Variants in ANK2 observed in about 807,000 individuals in gnomAD.
ANK2 encodes ankyrin 2.
A neutral mutation model predicts 360.5 loss-of-function variants in ANK2; 83 were observed. The ratio of observed to expected loss-of-function variants is 0.23; its 90% CI spans 0.19 to 0.28. The LOEUF (loss-of-function observed/expected upper bound fraction) is 0.28, where lower values mean the gene tolerates loss of function less well. ANK2 is among the 10% of genes least tolerant of loss of function. The probability of loss-of-function intolerance (pLI) is 1.00; values close to 1 mark genes in which losing one functional copy is unlikely to be tolerated. For missense variants in ANK2, 4,201 were observed against 4,795.7 expected (o/e 0.88, Z 3.66); for synonymous variants, 1,740 against 1,759.5 (o/e 0.99, Z 0.28).
chr4:113,021,530 C>CCCCCCCA (rs1554056650), intron 2 of ANK2, among the ~76,000 whole-genome samples: 2 of 13,094 alleles, frequency 1.5e-4, no homozygotes, highest in African/African-American at 4.6e-4. Context: ...ACACACACAC[C>CCCCCCCA]CACACACAAA....
rs549554629 is a variant in ANK2 at position 112,894,085 on chromosome 4, A to C, written c.-39-10370A>C. Among the ~76,000 whole-genome samples the C allele has an allele frequency of 5.6e-4, 85 of 152,332 alleles. 1 individual carries two copies. Among genetic ancestry groups the C allele is most frequent in the African/African-American group, 2.0e-3 (83 of 41,574 alleles). On this transcript the variant is annotated intron_variant, in intron 1 of 30. Transcript: ENST00000503271. ...AGCTTGCTGACCCTTGCCCTTGTGC[A>C]GTTTCCACAGTACCACATCAATTCT...
chr4:112,738,906 C>A, the ANK2 span: 1 of 684,218 alleles, frequency 1.5e-6, no homozygotes, highest in Non-Finnish European at 2.6e-6. Context: ...AAAAACAAAG[C>A]ACATGCTGCT....
intron 24 of ANK2, chr4:113,313,783 C>CGGG (rs1227864115): frequency 2.8e-4 from 2 of 7,188 alleles, no homozygotes; most frequent in African/African-American, 9.4e-4. Flanking sequence ...TGTGTGTTGC[C>CGGG]GGGGCGGGGG....
intron 39 of ANK2, 73 bp from the exon 40 acceptor site, chr4:113,363,265 A>G: frequency 2.0e-6 from 3 of 1,517,478 alleles, no homozygotes; most frequent in Non-Finnish European, 2.7e-6. Context: ...ATCATTTACA[A>G]AATCACAAAG....
intron 1 of ANK2, among the ~76,000 whole-genome samples, chr4:113,056,260 G>T (rs1011580544): frequency 6.6e-6 from 1 of 152,098 alleles, no homozygotes; most frequent in African/African-American, 2.4e-5. Flanking sequence ...AGAAAATTTT[G>T]TTAGTATGAT....
the ANK2 span, among the ~76,000 whole-genome samples, chr4:112,786,819 G>A: frequency 2.0e-5 from 3 of 147,134 alleles, no homozygotes; most frequent in African/African-American, 7.6e-5. Context: ...CACGATCTCA[G>A]CTCAGTGCAG....
At chr4:113,194,928 A>G (rs1166997633) in intron 2 of ANK2, among the ~76,000 whole-genome samples, 4 of 152,178 alleles carry the variant, frequency 2.6e-5, no homozygotes, top group African/African-American at 9.6e-5. Context: ...ATTGCTAGAA[A>G]TATAACCTGA....
At chr4:113,156,016 T>A (rs12500889) in intron 1 of ANK2, among the ~76,000 whole-genome samples, 2 of 151,508 alleles carry the variant, frequency 1.3e-5, no homozygotes, top group African/African-American at 4.8e-5. Flanking sequence ...ATGCCTACAG[T>A]GTGTGCCAAA....
At chr4:113,282,527 G>A in intron 17 of ANK2, 148 bp from the exon 18 acceptor site, 1 of 785,960 alleles carries the variant, frequency 1.3e-6, no homozygotes. Flanking sequence ...TTGTTGAATG[G>A]AAACGTGATG....
intron 1 of ANK2, among the ~76,000 whole-genome samples, chr4:112,870,325 G>A (rs1277183969): frequency 2.0e-5 from 3 of 152,090 alleles, no homozygotes; most frequent in African/African-American, 7.2e-5. Flanking sequence ...AAATTATTCT[G>A]CAGTCATCTA....
the ANK2 span, among the ~76,000 whole-genome samples, chr4:112,719,338 C>A: frequency 2.0e-5 from 3 of 152,110 alleles, no homozygotes; most frequent in Admixed American, 6.6e-5. Flanking sequence ...GAGGTGAAAA[C>A]ACCTCAGATA....
chr4:112,747,620 T>G, the ANK2 span, among the ~76,000 whole-genome samples: 1 of 152,198 alleles, frequency 6.6e-6, no homozygotes, highest in East Asian at 1.9e-4. Context: ...AGTTAAATAT[T>G]AAGTTCTGAG....
the ANK2 span, among the ~76,000 whole-genome samples, chr4:112,755,203 A>G: frequency 1.3e-5 from 2 of 152,126 alleles, no homozygotes; most frequent in Non-Finnish European, 2.9e-5. Context: ...CACATTCTGG[A>G]TATGTCTCAT....
chr4:113,242,717 T>C (rs201939454), intron 9 of ANK2, among the ~76,000 whole-genome samples: 2 of 152,226 alleles, frequency 1.3e-5, no homozygotes, highest in East Asian at 1.9e-4. Context: ...TAGTATACTA[T>C]ACCTTTATGT....
intron 43 of ANK2, chr4:113,372,671 A>G (rs2154072653): frequency 7.6e-7 from 1 of 1,319,670 alleles, no homozygotes; most frequent in East Asian, 2.5e-5. Flanking sequence ...TCCTGTCCCC[A>G]TATTCTAAGA....
chr4:113,014,476 T>C (rs2055857953), intron 2 of ANK2, among the ~76,000 whole-genome samples: 1 of 152,162 alleles, frequency 6.6e-6, no homozygotes, highest in Non-Finnish European at 1.5e-5. Context: ...ATGACTACCA[T>C]GTCTATTAAG....
At chr4:113,001,855 T>C in intron 2 of ANK2, among the ~76,000 whole-genome samples, 1 of 152,166 alleles carries the variant, frequency 6.6e-6, no homozygotes, top group East Asian at 1.9e-4. Flanking sequence ...CTCAACAGCC[T>C]CCAGATGTGC....
intron 3 of ANK2, among the ~76,000 whole-genome samples, chr4:113,197,111 C>G (rs942311461): frequency 6.6e-6 from 1 of 152,114 alleles, no homozygotes; most frequent in African/African-American, 2.4e-5. Flanking sequence ...GGAAACTTCT[C>G]TATGGAAAAG....
At chr4:113,176,220 T>A (rs2098192844) in intron 2 of ANK2, among the ~76,000 whole-genome samples, 1 of 152,212 alleles carries the variant, frequency 6.6e-6, no homozygotes, top group African/African-American at 2.4e-5. Flanking sequence ...ACTTGGCTAC[T>A]GCTTTTGCTC....
Sources: gnomAD v4.1 joint callset for allele counts (sites outside exome capture counted in the v4.1 genomes callset) on GRCh38, gnomAD v4.1.1 for gene constraint, MANE v1.5 for transcripts, NCBI Gene and HGNC (gene_info 2026-07-23, HGNC 2026-07-21) for gene names.